DKK2: variants seen among roughly 807,000 people sequenced by gnomAD.
DKK2 encodes the protein dickkopf-related protein 2.
Under a neutral mutation model 28.1 loss-of-function variants are expected in DKK2, and 11 were observed. The observed-to-expected ratio is 0.39, with a 90% CI of 0.25 to 0.65. DKK2 has a LOEUF of 0.65. DKK2 is among the 30% of genes least tolerant of loss of function. The pLI is 0.47. For synonymous variants in DKK2, 135 were observed against 126.5 expected, an observed-to-expected ratio of 1.07 and a Z score of -0.45; for missense variants, 326 against 335.5, an observed-to-expected ratio of 0.97 and a Z score of 0.22.
Position 107,035,702 on chromosome 4 carries a change from T to G in DKK2, c.-111A>C, listed in dbSNP as rs1318111048. On this transcript the variant is annotated 5_prime_UTR_variant, in exon 1 of 4. Coordinates refer to ENST00000285311, the MANE Select transcript of DKK2 (RefSeq NM_014421.3). ...CACTTGGGTCGCGGGGGCTTGCAGA[T>G]TGTGTTCCCTCAACCCTTCCTGGTT... The G allele has an allele frequency of 9.2e-7, 1 of 1,086,418 alleles. No homozygotes were observed. The highest frequency in any genetic ancestry group is 1.5e-5 in the African/African-American group (1 of 64,588). The allele number at this position is 1,086,418 out of a possible 1,614,324, so 67.3% of individuals were successfully genotyped here.
chr4:106,922,039 A>G lies in DKK2; in HGVS notation c.*1915T>C, dbSNP rs1724351071. 1 of 152,634 alleles carries G rather than the reference A, an allele frequency of 6.6e-6. No individual in the cohort carries two copies. The highest frequency in any genetic ancestry group is 2.4e-5 in the African/African-American group (1 of 41,466). 9.5% of individuals were successfully genotyped at this position (152,634 alleles called of 1,614,324 possible). Reference sequence around the variant, plus strand: ...CCAAATTGTAAATATAATAATTGTTATATAGGAAATGTTTGATTGAAATGT... The same window carrying G: ...CCAAATTGTAAATATAATAATTGTTGTATAGGAAATGTTTGATTGAAATGT... On this transcript the variant is annotated 3_prime_UTR_variant, in exon 4 of 4. Coordinates refer to ENST00000285311, the MANE Select transcript of DKK2 (RefSeq NM_014421.3).
chr4:106,954,752 A>G (rs1426793148), intron 1 of DKK2, among the ~76,000 whole-genome samples: 2 of 152,080 alleles, frequency 1.3e-5, no homozygotes, highest in Non-Finnish European at 2.9e-5. Flanking sequence ...CGAACTCCTG[A>G]CCTCGTGATC....
At position 106,922,483 on chromosome 4, in the gene DKK2, T is replaced by C. The variant is rs1724360262; in HGVS notation, c.*1471A>G. ...AATATGCAGGTTTTACAAGTTATCC[T>C]ACTTATATTTTTTAACCGCAATGGC... On this transcript the variant is annotated 3_prime_UTR_variant, in exon 4 of 4. Transcript: ENST00000285311. 6.6e-6 allele frequency: 1 copy of C among 152,208 alleles called. No homozygotes were observed. Among genetic ancestry groups the C allele is most frequent in the Non-Finnish European group, 1.5e-5 (1 of 68,042 alleles). 9.4% of individuals were successfully genotyped at this position (152,208 alleles called of 1,614,324 possible).
At chr4:106,939,940 C>A (rs1435180687) in intron 1 of DKK2, among the ~76,000 whole-genome samples, 3 of 152,220 alleles carry the variant, frequency 2.0e-5, no homozygotes, top group East Asian at 3.9e-4. Context: ...CTTCCTTATA[C>A]CTTATACAAA....
chr4:106,936,819 C>G (rs1322448797), intron 1 of DKK2, among the ~76,000 whole-genome samples: 1 of 151,724 alleles, frequency 6.6e-6, no homozygotes, highest in African/African-American at 2.4e-5. Context: ...ATTCAACATT[C>G]TTAAAGAAAA....
intron 1 of DKK2, among the ~76,000 whole-genome samples, chr4:106,993,500 C>G (rs928476641): frequency 4.6e-5 from 7 of 152,012 alleles, no homozygotes; most frequent in Admixed American, 4.6e-4. Flanking sequence ...TTAGTAAATA[C>G]GTTGGCTACT....
At chr4:106,948,906 A>G (rs1041346023) in intron 1 of DKK2, among the ~76,000 whole-genome samples, 1 of 152,154 alleles carries the variant, frequency 6.6e-6, no homozygotes, top group African/African-American at 2.4e-5. Context: ...ATTTCATGCC[A>G]GTGTCCTAGT....
intron 1 of DKK2, among the ~76,000 whole-genome samples, chr4:107,007,198 T>C (rs1477116182): frequency 6.6e-6 from 1 of 152,128 alleles, no homozygotes; most frequent in African/African-American, 2.4e-5. Context: ...TTTGTGATGA[T>C]TTTTAAACTT....
chr4:106,969,418 C>T (rs74744906), intron 1 of DKK2, among the ~76,000 whole-genome samples: 1,697 of 151,840 alleles, frequency 0.011, 26 homozygotes, highest in African/African-American at 0.037. Context: ...CCTATGCTTC[C>T]CAGTCCTCTA....
intron 1 of DKK2, among the ~76,000 whole-genome samples, chr4:107,016,971 G>A (rs969252282): frequency 1.3e-5 from 2 of 151,948 alleles, no homozygotes; most frequent in Admixed American, 6.6e-5. Flanking sequence ...TCATTGGCAT[G>A]TAGTGGTATT....
intron 1 of DKK2, among the ~76,000 whole-genome samples, chr4:107,007,467 A>C (rs1487368351): frequency 1.3e-5 from 2 of 152,222 alleles, no homozygotes; most frequent in Non-Finnish European, 1.5e-5. Context: ...AATGTCATGC[A>C]TATTTTAAAA....
chr4:107,033,339 C>A (rs1466498818), intron 1 of DKK2, among the ~76,000 whole-genome samples: 1 of 152,004 alleles, frequency 6.6e-6, no homozygotes, highest in Non-Finnish European at 1.5e-5. Flanking sequence ...TAAATAAATT[C>A]TCAATTTAAG....
At position 106,924,104 on chromosome 4, in the gene DKK2, CT is replaced by C; in HGVS notation, c.629del (p.Gln210ArgfsTer54). 6.2e-7 allele frequency: 1 copy of C among 1,613,998 alleles called. No homozygotes were observed. Among genetic ancestry groups the C allele is most frequent in the Admixed American group, 1.7e-5 (1 of 60,018 alleles). ...WTKICKPVLHQGEVCTKQRKK... is the reference protein window; with the variant it reads ...WTKICKPVLHXGEVCTKQRKK... ...TGCGTTGTTTGGTACAGACTTCCCC[CT>C]GATGGAGCACTGGTTTGCAGATTTT... On this transcript the variant is annotated frameshift_variant, in exon 4 of 4. Transcript: ENST00000285311. LOFTEE classifies it high-confidence loss of function.
chr4:106,986,587 T>G (rs1723123484), intron 1 of DKK2, among the ~76,000 whole-genome samples: 1 of 152,210 alleles, frequency 6.6e-6, no homozygotes, highest in Non-Finnish European at 1.5e-5. Flanking sequence ...AGTTTATTCC[T>G]CATAAACTAA....
At chr4:106,956,131 A>G (rs1461408190) in intron 1 of DKK2, among the ~76,000 whole-genome samples, 3 of 152,212 alleles carry the variant, frequency 2.0e-5, no homozygotes, top group African/African-American at 7.2e-5. Flanking sequence ...AATACAATCT[A>G]AGAACTAATA....
intron 1 of DKK2, among the ~76,000 whole-genome samples, chr4:106,927,558 T>C (rs1171624011): frequency 6.6e-6 from 1 of 152,174 alleles, no homozygotes. Context: ...CACACAAAGC[T>C]ATAAAATAAA....
At chr4:106,948,025 T>C (rs550971877) in intron 1 of DKK2, among the ~76,000 whole-genome samples, 1 of 152,258 alleles carries the variant, frequency 6.6e-6, no homozygotes, top group African/African-American at 2.4e-5. Flanking sequence ...TAGCTGTAGT[T>C]CCAAAACATT....
chr4:106,981,395 T>G (rs1405542999), intron 1 of DKK2, among the ~76,000 whole-genome samples: 1 of 152,192 alleles, frequency 6.6e-6, no homozygotes, highest in African/African-American at 2.4e-5. Context: ...TGAAAACATT[T>G]TCCCCTCTTA....
chr4:106,987,066 A>T (rs1723130548), intron 1 of DKK2, among the ~76,000 whole-genome samples: 1 of 152,228 alleles, frequency 6.6e-6, no homozygotes, highest in African/African-American at 2.4e-5. Context: ...ATTGCATGCT[A>T]ACTATTTGAG....
Sources: gnomAD v4.1 joint callset for allele counts (sites outside exome capture counted in the v4.1 genomes callset) on GRCh38, gnomAD v4.1.1 for gene constraint, MANE v1.5 for transcripts, NCBI Gene and HGNC (gene_info 2026-07-23, HGNC 2026-07-21) for gene names.